SLC5A4: variants seen among roughly 807,000 people sequenced by gnomAD.
SLC5A4 encodes probable glucose sensor protein SLC5A4.
In SLC5A4, 55 loss-of-function variants were observed where a neutral mutation model predicts 70.3. The observed-to-expected ratio is 0.78, with a 90% CI of 0.63 to 0.98. SLC5A4 has a LOEUF of 0.98. SLC5A4 is among the 50% of genes least tolerant of loss of function. The probability of loss-of-function intolerance (pLI) is 0.00; values close to 1 mark genes in which losing one functional copy is unlikely to be tolerated. For synonymous variants in SLC5A4, 268 were observed against 305.7 expected (o/e 0.88, Z 1.29); for missense variants, 735 against 839.2 (o/e 0.88, Z 1.53).
In SLC5A4 at chr22:32,255,346, A is replaced by G; in HGVS notation, c.-17T>C. On this transcript the variant is annotated 5_prime_UTR_variant, in exon 1 of 15. Coordinates refer to ENST00000266086, the MANE Select transcript of SLC5A4 (RefSeq NM_014227.3). ...ACTGGCCATGGCTGCAGGCAGTGCT[A>G]TACCCATTCCACGCATGAGCCATCT... is the stretch of plus-strand genomic sequence containing the variant. 6.2e-7 allele frequency: 1 copy of G among 1,611,720 alleles called. No homozygotes were observed.
chr22:32,338,828 C>A, the SLC5A4 span, among the ~76,000 whole-genome samples: 1 of 152,224 alleles, frequency 6.6e-6, no homozygotes, highest in Non-Finnish European at 1.5e-5. Context: ...ACTCAGGAAT[C>A]TCCCTGCCTG....
At chr22:32,300,240 G>A in the SLC5A4 span, among the ~76,000 whole-genome samples, 3,649 of 150,992 alleles carry the variant, frequency 0.024, 135 homozygotes, top group African/African-American at 0.084. Context: ...AATGGGGGGC[G>A]CCCCTCCCCA....
the SLC5A4 span, among the ~76,000 whole-genome samples, chr22:32,306,568 G>T: frequency 6.6e-6 from 1 of 151,880 alleles, no homozygotes; most frequent in Admixed American, 6.6e-5. Context: ...GAATGTTTTT[G>T]GTTTTCCTGG....
At chr22:32,291,053 A>T in the SLC5A4 span, among the ~76,000 whole-genome samples, 2 of 152,022 alleles carry the variant, frequency 1.3e-5, no homozygotes, top group Non-Finnish European at 2.9e-5. Context: ...CATTTTCATC[A>T]TATGAGTTTT....
At chr22:32,351,365 T>TA in the SLC5A4 span, among the ~76,000 whole-genome samples, 1 of 151,058 alleles carries the variant, frequency 6.6e-6, no homozygotes, top group Non-Finnish European at 1.5e-5. Context: ...ATCCAACTGA[T>TA]TTTTTCCTCA....
At position 32,235,147 on chromosome 22, in the gene SLC5A4, A is replaced by G. The variant is rs73395072; in HGVS notation, c.665-54T>C. 1,495 of 1,296,500 alleles carry G rather than the reference A, an allele frequency of 1.2e-3. 23 individuals are homozygous for G. In the African/African-American group the frequency reaches 0.019, roughly 16 times the overall value. The allele number at this position is 1,296,500 out of a possible 1,614,324, so 80.3% of individuals were successfully genotyped here. A position where few individuals can be genotyped will look rare whatever the true frequency, so the allele number is the denominator to read the frequency against. On this transcript the variant is annotated intron_variant, in intron 7 of 14. Transcript: ENST00000266086. Reference sequence around the variant, plus strand: ...GTCTTACTGAAATCTAAGACATCCAATGTTTATGATGACTACTTTTTGGTG... The same window carrying G: ...GTCTTACTGAAATCTAAGACATCCAGTGTTTATGATGACTACTTTTTGGTG...
the SLC5A4 span, among the ~76,000 whole-genome samples, chr22:32,308,954 C>T: frequency 6.6e-6 from 1 of 152,206 alleles, no homozygotes; most frequent in Admixed American, 6.5e-5. Context: ...TCTTACCTAC[C>T]TACCTAGACA....
At chr22:32,310,259 A>G in the SLC5A4 span, among the ~76,000 whole-genome samples, 1 of 152,164 alleles carries the variant, frequency 6.6e-6, no homozygotes, top group African/African-American at 2.4e-5. Flanking sequence ...CATCCAGGAC[A>G]GCAGGACATG....
the SLC5A4 span, among the ~76,000 whole-genome samples, chr22:32,296,363 G>C: frequency 1.3e-5 from 1 of 79,728 alleles, no homozygotes; most frequent in South Asian, 5.2e-4. Context: ...TCCTTGAAGA[G>C]GTCCTTCACA....
chr22:32,222,289 T>A (rs1346241441), intron 13 of SLC5A4, among the ~76,000 whole-genome samples: 3 of 152,208 alleles, frequency 2.0e-5, no homozygotes, highest in Non-Finnish European at 4.4e-5. Flanking sequence ...ACTCTCTTCT[T>A]GGGAGTCCTT....
chr22:32,299,974 A>AG, the SLC5A4 span, among the ~76,000 whole-genome samples: 1 of 132,416 alleles, frequency 7.6e-6, no homozygotes, highest in Non-Finnish European at 1.6e-5. Flanking sequence ...CTCGGGGGTC[A>AG]GGGGTCAGGG....
At chr22:32,273,647 C>G in the SLC5A4 span, 2 of 152,272 alleles carry the variant, frequency 1.3e-5, no homozygotes, top group African/African-American at 4.8e-5. Flanking sequence ...ACTGCTGGCA[C>G]AGCTCACAAG....
chr22:32,276,398 A>G, the SLC5A4 span, among the ~76,000 whole-genome samples: 1 of 152,240 alleles, frequency 6.6e-6, no homozygotes, highest in Admixed American at 6.5e-5. Context: ...CTGACAAGGC[A>G]TTTAGCTTTG....
chr22:32,289,039 C>G, the SLC5A4 span, among the ~76,000 whole-genome samples: 1 of 151,958 alleles, frequency 6.6e-6, no homozygotes, highest in African/African-American at 2.4e-5. Flanking sequence ...GGGCTTGCTT[C>G]TTACAGGAAA....
chr22:32,263,905 T>G, the SLC5A4 span, among the ~76,000 whole-genome samples: 1 of 152,170 alleles, frequency 6.6e-6, no homozygotes, highest in Non-Finnish European at 1.5e-5. Context: ...TGCAGGGACA[T>G]GGATTAAGCT....
At chr22:32,268,041 G>A in the SLC5A4 span, among the ~76,000 whole-genome samples, 7 of 152,104 alleles carry the variant, frequency 4.6e-5, no homozygotes, top group Non-Finnish European at 5.9e-5. Context: ...GGAGAATGGC[G>A]TAAACCCAGG....
the SLC5A4 span, among the ~76,000 whole-genome samples, chr22:32,341,749 C>T: frequency 6.6e-6 from 1 of 152,232 alleles, no homozygotes; most frequent in Non-Finnish European, 1.5e-5. Context: ...TACACTTCTT[C>T]TGCTAATGCA....
chr22:32,351,914 C>T, the SLC5A4 span, among the ~76,000 whole-genome samples: 2 of 151,310 alleles, frequency 1.3e-5, no homozygotes, highest in African/African-American at 2.4e-5. Flanking sequence ...AGAAAATGAA[C>T]AGGAACAAGA....
the SLC5A4 span, among the ~76,000 whole-genome samples, chr22:32,318,572 C>T: frequency 6.6e-6 from 1 of 152,148 alleles, no homozygotes; most frequent in Admixed American, 6.5e-5. Context: ...CCCATTGGCC[C>T]TTCCTTTGGA....
Sources: allele counts gnomAD v4.1 joint callset (sites outside exome capture counted in the v4.1 genomes callset), GRCh38; gene constraint gnomAD v4.1.1; transcripts MANE v1.5; gene names NCBI Gene and HGNC (gene_info 2026-07-23, HGNC 2026-07-21).